Variants in RBPMS observed in about 807,000 individuals in gnomAD.
RBPMS encodes RNA-binding protein with multiple splicing.
RBPMS carries 7 observed loss-of-function variants against 26.8 expected under a neutral mutation model. The observed-to-expected ratio is 0.26, with a 90% confidence interval of 0.15 to 0.49. The LOEUF (loss-of-function observed/expected upper bound fraction) is 0.49. Among genes scored for constraint, RBPMS ranks in the 20% least tolerant of loss-of-function variants. The pLI is 0.98. For synonymous variants in RBPMS, 96 were observed against 93.3 expected (o/e 1.03, Z -0.17); for missense variants, 186 against 250.0 (o/e 0.74, Z 1.73).
At position 30,497,187 on chromosome 8, in the gene RBPMS, C is replaced by T. The variant is rs541654282; in HGVS notation, c.247-7099C>T. Among the ~76,000 whole-genome samples, 132 of 152,252 alleles carry T rather than the reference C, an allele frequency of 8.7e-4. 1 individual carries two copies. The highest frequency in any genetic ancestry group is 3.0e-3 in the African/African-American group (126 of 41,562). On this transcript the variant is annotated intron_variant, in intron 4 of 8. Transcript: ENST00000397323. ...AATTCTTTCTGCTTCATTTCCTTTT[C>T]TCCTGTTGAAAGATTTGTGGTCCCC...
At chr8:30,512,594 G>T (rs535658987) in intron 5 of RBPMS, among the ~76,000 whole-genome samples, 1 of 151,686 alleles carries the variant, frequency 6.6e-6, no homozygotes, top group Non-Finnish European at 1.5e-5. Flanking sequence ...GCTGAAGCCC[G>T]AGTGATCCTC....
intron 1 of RBPMS, among the ~76,000 whole-genome samples, chr8:30,449,659 C>T (rs1033248533): frequency 2.0e-5 from 3 of 152,300 alleles, no homozygotes; most frequent in South Asian, 4.1e-4. Flanking sequence ...GCATGAACCA[C>T]CGTGCCCGGC....
intron 1 of RBPMS, among the ~76,000 whole-genome samples, chr8:30,471,115 T>G (rs775901636): frequency 6.6e-6 from 1 of 152,146 alleles, no homozygotes; most frequent in African/African-American, 2.4e-5. Flanking sequence ...CTAATAAACA[T>G]TAAAATCAGT....
chr8:30,445,538 A>G (rs1446254594), intron 1 of RBPMS, among the ~76,000 whole-genome samples: 4 of 151,614 alleles, frequency 2.6e-5, no homozygotes, highest in Non-Finnish European at 5.9e-5. Flanking sequence ...AATTCTCTGT[A>G]GATGGAAAGC....
At chr8:30,468,642 A>G (rs1242583982) in intron 1 of RBPMS, among the ~76,000 whole-genome samples, 8 of 152,162 alleles carry the variant, frequency 5.3e-5, no homozygotes, top group African/African-American at 1.7e-4. Flanking sequence ...GTCAGTCGAG[A>G]TATTTATAGA....
At chr8:30,482,913 CA>C (rs1448801284) in intron 4 of RBPMS, among the ~76,000 whole-genome samples, 2 of 152,076 alleles carry the variant, frequency 1.3e-5, no homozygotes, top group African/African-American at 4.8e-5. Flanking sequence ...GAAAGTAAAT[CA>C]AATTCACTAA....
chr8:30,549,103 C>T (rs999449847), intron 6 of RBPMS, among the ~76,000 whole-genome samples: 6 of 152,178 alleles, frequency 3.9e-5, no homozygotes, highest in Non-Finnish European at 5.9e-5. Context: ...ACCTCCTGTA[C>T]GGTGGCCAGT....
At chr8:30,535,332 C>G (rs963410911) in intron 5 of RBPMS, among the ~76,000 whole-genome samples, 2 of 152,120 alleles carry the variant, frequency 1.3e-5, no homozygotes, top group Admixed American at 1.3e-4. Flanking sequence ...TAGGAGATAA[C>G]AGTTTTGTGA....
intron 1 of RBPMS, chr8:30,444,889 C>G (rs572143976): frequency 2.0e-5 from 3 of 152,192 alleles, no homozygotes; most frequent in African/African-American, 4.8e-5. Context: ...CGGTAAGAAC[C>G]GAAAGCCACC....
At chr8:30,466,150 T>TA (rs1287039643) in intron 1 of RBPMS, among the ~76,000 whole-genome samples, 3 of 152,206 alleles carry the variant, frequency 2.0e-5, no homozygotes, top group African/African-American at 7.2e-5. Flanking sequence ...AACTGTCACT[T>TA]ACAGCAAATA....
At chr8:30,511,486 AATATATATATAT>A (rs869100800) in intron 5 of RBPMS, among the ~76,000 whole-genome samples, 4,439 of 22,874 alleles carry the variant, frequency 0.19, 139 homozygotes, top group East Asian at 0.33. Flanking sequence ...AAAAAAAAAA[AATATATATATAT>A]ATATATATAT....
At position 30,385,065 on chromosome 8, in the gene RBPMS, C is replaced by G; in HGVS notation, c.-28C>G. On this transcript the variant is annotated 5_prime_UTR_variant, in exon 1 of 9. Transcript: ENST00000397323. ...CGCCCAGCCCCGCGCCCCAGCCCTG[C>G]CCGGCCCGGCGAGGAAGGACCGGGA... is the stretch of plus-strand genomic sequence containing the variant. 1 of 1,496,274 alleles carries G rather than the reference C, an allele frequency of 6.7e-7. No homozygotes were observed. Among genetic ancestry groups the G allele is most frequent in the South Asian group, 1.3e-5 (1 of 78,612 alleles). The allele number at this position is 1,496,274 out of a possible 1,614,324, so 92.7% of individuals were successfully genotyped here.
intron 6 of RBPMS, among the ~76,000 whole-genome samples, chr8:30,555,636 C>T (rs1826809313): frequency 3.9e-5 from 6 of 152,184 alleles, no homozygotes; most frequent in Admixed American, 3.9e-4. Flanking sequence ...TGTGAGGGGC[C>T]GCTGCCTTGC....
intron 1 of RBPMS, chr8:30,446,842 T>TGTGTGCGC (rs1439127078): frequency 4.6e-5 from 3 of 65,556 alleles, no homozygotes; most frequent in East Asian, 4.4e-4. Flanking sequence ...TGTGTGTGTG[T>TGTGTGCGC]GCGCGCGCGC....
chr8:30,457,866 G>A (rs557637555), intron 1 of RBPMS, among the ~76,000 whole-genome samples: 11 of 152,200 alleles, frequency 7.2e-5, no homozygotes, highest in South Asian at 2.1e-4. Flanking sequence ...GTGAGCCACC[G>A]CCCTAGCCTT....
chr8:30,422,189 G>A (rs1238346167), intron 1 of RBPMS, among the ~76,000 whole-genome samples: 2 of 151,212 alleles, frequency 1.3e-5, no homozygotes, highest in South Asian at 2.1e-4. Context: ...GCAGTGGTGC[G>A]ATCTTGGCTT....
At chr8:30,459,356 A>G (rs1815631392) in intron 1 of RBPMS, among the ~76,000 whole-genome samples, 1 of 152,012 alleles carries the variant, frequency 6.6e-6, no homozygotes, top group Non-Finnish European at 1.5e-5. Context: ...CGTGTGCTCA[A>G]GTGATCCTCC....
Position 30,544,925 on chromosome 8 carries a change from G to C in RBPMS, c.528+301G>C, listed in dbSNP as rs1197997159. 8 of 1,477,374 alleles carry C rather than the reference G, an allele frequency of 5.4e-6. No homozygotes were observed. In the East Asian group the frequency reaches 1.7e-4, roughly 32 times the overall value. 91.5% of individuals were successfully genotyped at this position (1,477,374 alleles called of 1,614,324 possible). A position where few individuals can be genotyped will look rare whatever the true frequency, so the allele number is the denominator to read the frequency against. On this transcript the variant is annotated intron_variant, in intron 6 of 8. Transcript: ENST00000397323. The stretch of plus-strand genomic sequence containing the variant: ...GGTTTATCCACCTGGCTCCCAGCTA[G>C]CTAGAGGGCATCACCAGAGTGTATA...
At chr8:30,512,683 T>G (rs1821845739) in intron 5 of RBPMS, among the ~76,000 whole-genome samples, 1 of 152,084 alleles carries the variant, frequency 6.6e-6, no homozygotes, top group Non-Finnish European at 1.5e-5. Flanking sequence ...TTCTGGGCCT[T>G]CTCGCTAGGC....
Sources: allele counts gnomAD v4.1 joint callset (sites outside exome capture counted in the v4.1 genomes callset), GRCh38; gene constraint gnomAD v4.1.1; transcripts MANE v1.5; gene names NCBI Gene and HGNC (gene_info 2026-07-23, HGNC 2026-07-21).